The following COA8 variants were observed in gnomAD, a reference collection of about 807,000 sequenced individuals.
COA8 encodes the protein cytochrome c oxidase assembly factor 8.
Under a neutral mutation model 22.0 loss-of-function variants are expected in COA8, and 20 were observed. That is an observed-to-expected ratio of 0.91 (90% CI 0.64 to 1.32). The LOEUF (loss-of-function observed/expected upper bound fraction) is 1.32. Among genes scored for constraint, COA8 ranks in the 40% most tolerant of loss-of-function variants. COA8 has a pLI of 0.00. For missense variants in COA8, 266 were observed against 230.0 expected, an observed-to-expected ratio of 1.16 and a Z score of -1.01; for synonymous variants, 105 against 79.9, an observed-to-expected ratio of 1.31 and a Z score of -1.68.
chr14:103,582,715 C>T (rs1006055847), intron 3 of COA8, among the ~76,000 whole-genome samples: 23 of 146,922 alleles, frequency 1.6e-4, no homozygotes, highest in African/African-American at 5.9e-4. Flanking sequence ...ATACGATTCA[C>T]ATACCATAAA....
At chr14:103,575,307 C>T (rs1052733951) in intron 3 of COA8, among the ~76,000 whole-genome samples, 1 of 152,234 alleles carries the variant, frequency 6.6e-6, no homozygotes, top group African/African-American at 2.4e-5. Context: ...TGTTTTGATT[C>T]TTACTAAGGT....
At chr14:103,578,516 T>G (rs1248215726) in intron 3 of COA8, among the ~76,000 whole-genome samples, 1 of 152,210 alleles carries the variant, frequency 6.6e-6, no homozygotes, top group Non-Finnish European at 1.5e-5. Context: ...GTTTATGCAG[T>G]GGCAGGAAGA....
chr14:103,589,495 A>T (rs1246434641), intron 4 of COA8, among the ~76,000 whole-genome samples: 7 of 152,004 alleles, frequency 4.6e-5, no homozygotes, highest in Non-Finnish European at 1.0e-4. Context: ...AAATCAAAGG[A>T]GTACTTAAGA....
intron 1 of COA8, among the ~76,000 whole-genome samples, chr14:103,563,677 T>C (rs752493878): frequency 2.0e-5 from 3 of 152,176 alleles, no homozygotes; most frequent in Non-Finnish European, 2.9e-5. Context: ...GTGGTACTTT[T>C]GGGAGGGATG....
chr14:103,589,770 C>T (rs1443485914), intron 4 of COA8, among the ~76,000 whole-genome samples: 2 of 151,636 alleles, frequency 1.3e-5, no homozygotes, highest in Admixed American at 6.6e-5. Context: ...AAAAATTAGC[C>T]GGGTGTGGTG....
chr14:103,568,777 A>T (rs529008372), intron 1 of COA8, among the ~76,000 whole-genome samples: 146 of 151,940 alleles, frequency 9.6e-4, no homozygotes, highest in African/African-American at 3.4e-3. Flanking sequence ...TTACAGGTGC[A>T]CACCACCACG....
intron 4 of COA8, 93 bp downstream of exon 4, chr14:103,587,457 T>C: frequency 1.4e-6 from 1 of 718,138 alleles, no homozygotes; most frequent in Non-Finnish European, 2.2e-6. Flanking sequence ...TTCATGTTTA[T>C]ATCAGAGGTA....
intron 1 of COA8, among the ~76,000 whole-genome samples, chr14:103,564,251 T>C (rs1295899713): frequency 2.0e-5 from 3 of 152,220 alleles, no homozygotes; most frequent in African/African-American, 7.2e-5. Context: ...ATTGTAGCTT[T>C]GAAGGTCTAT....
At chr14:103,587,540 C>A (rs1281961670) in intron 4 of COA8, among the ~76,000 whole-genome samples, 176 bp downstream of exon 4, 1 of 141,404 alleles carries the variant, frequency 7.1e-6, no homozygotes, top group East Asian at 2.0e-4. Flanking sequence ...CGGAGTTTCG[C>A]TCTCTCGCCC....
chr14:103,583,706 A>C (rs1479720705), intron 3 of COA8, among the ~76,000 whole-genome samples: 1 of 152,120 alleles, frequency 6.6e-6, no homozygotes, highest in East Asian at 1.9e-4. Flanking sequence ...CTGATGCCAC[A>C]GGTTAAAGAC....
At chr14:103,584,190 T>C (rs1354821409) in intron 3 of COA8, among the ~76,000 whole-genome samples, 1 of 152,138 alleles carries the variant, frequency 6.6e-6, no homozygotes, top group Non-Finnish European at 1.5e-5. Context: ...TGAGCCACCG[T>C]GCCTGGCCTC....
chr14:103,568,753 C>T (rs1414847269), intron 1 of COA8, among the ~76,000 whole-genome samples: 1 of 151,722 alleles, frequency 6.6e-6, no homozygotes, highest in Non-Finnish European at 1.5e-5. Context: ...CCTCAGCCTC[C>T]CAAGTAGCTG....
intron 3 of COA8, among the ~76,000 whole-genome samples, chr14:103,579,757 G>A (rs61996716): frequency 0.29 from 44,408 of 150,696 alleles, 6,847 homozygotes; most frequent in Middle Eastern, 0.38. Flanking sequence ...GAGGTCAGGA[G>A]TTCGAGACCA....
chr14:103,584,001 C>T (rs926957372), intron 3 of COA8, among the ~76,000 whole-genome samples: 6 of 152,218 alleles, frequency 3.9e-5, no homozygotes, highest in Admixed American at 6.5e-5. Context: ...GGAGCCCCTG[C>T]GCCCTCTCTG....
chr14:103,571,556 A>T (rs571832484), intron 1 of COA8, 67 bp from the exon 2 acceptor site: 7 of 1,431,404 alleles, frequency 4.9e-6, no homozygotes, highest in Non-Finnish European at 6.8e-6. Flanking sequence ...AAATAAATCC[A>T]GATTGTACAT....
chr14:103,580,511 T>C (rs2076260020), intron 3 of COA8, among the ~76,000 whole-genome samples: 1 of 150,788 alleles, frequency 6.6e-6, no homozygotes, highest in Non-Finnish European at 1.5e-5. Context: ...TTTTTGTTTT[T>C]TGAAGCGGAG....
At chr14:103,572,320 T>C (rs1195263042) in intron 2 of COA8, among the ~76,000 whole-genome samples, 1 of 152,170 alleles carries the variant, frequency 6.6e-6, no homozygotes, top group Non-Finnish European at 1.5e-5. Flanking sequence ...ATATAAGAAA[T>C]GGTCATTCGT....
chr14:103,582,182 G>A (rs1334665279), intron 3 of COA8, among the ~76,000 whole-genome samples: 1 of 152,150 alleles, frequency 6.6e-6, no homozygotes, highest in African/African-American at 2.4e-5. Flanking sequence ...CTCACTTCCT[G>A]TTCGGGGACT....
At chr14:103,588,306 G>T (rs1056709387) in intron 4 of COA8, 4 of 396,804 alleles carry the variant, frequency 1.0e-5, no homozygotes, top group African/African-American at 2.1e-5. Context: ...CTTGAGTCCA[G>T]GAGTTCAAGA....
Sources: allele counts gnomAD v4.1 joint callset (sites outside exome capture counted in the v4.1 genomes callset), GRCh38; gene constraint gnomAD v4.1.1; transcripts MANE v1.5; gene names NCBI Gene and HGNC (gene_info 2026-07-23, HGNC 2026-07-21).